HPSE2: variants seen among roughly 807,000 people sequenced by gnomAD.
HPSE2 encodes inactive heparanase-2.
Under a neutral mutation model 60.5 loss-of-function variants are expected in HPSE2, and 38 were observed. That is an observed-to-expected ratio of 0.63 (90% CI 0.48 to 0.82). The LOEUF (loss-of-function observed/expected upper bound fraction) is 0.82, where lower values mean the gene tolerates loss of function less well. Among genes scored for constraint, HPSE2 ranks in the 40% least tolerant of loss-of-function variants. The pLI is 0.00. For missense variants in HPSE2, 713 were observed against 740.4 expected (o/e 0.96, Z 0.43); for synonymous variants, 295 against 293.2 (o/e 1.01, Z -0.06).
At chr10:98,839,319 A>C (rs1951859573) in intron 3 of HPSE2, among the ~76,000 whole-genome samples, 1 of 152,186 alleles carries the variant, frequency 6.6e-6, no homozygotes, top group South Asian at 2.1e-4. Context: ...TATCAGATTC[A>C]AACCCTTACC....
At chr10:98,811,762 A>C (rs374932132) in intron 3 of HPSE2, among the ~76,000 whole-genome samples, 1 of 152,132 alleles carries the variant, frequency 6.6e-6, no homozygotes, top group Non-Finnish European at 1.5e-5. Context: ...AGATCACTCT[A>C]AAGATCAGAC....
At chr10:99,178,822 A>G (rs7897657) in intron 2 of HPSE2, among the ~76,000 whole-genome samples, 4,219 of 152,312 alleles carry the variant, frequency 0.028, 192 homozygotes, top group African/African-American at 0.096. Context: ...ACAAAAAAAG[A>G]AAATTTCAGG....
chr10:98,683,057 A>C (rs949653900), intron 6 of HPSE2, among the ~76,000 whole-genome samples: 5 of 152,248 alleles, frequency 3.3e-5, no homozygotes, highest in Non-Finnish European at 2.9e-5. Context: ...AAATGGTAGA[A>C]TAGAGAATTC....
At chr10:98,509,842 G>A (rs945398653) in intron 9 of HPSE2, among the ~76,000 whole-genome samples, 2 of 151,920 alleles carry the variant, frequency 1.3e-5, no homozygotes, top group Non-Finnish European at 2.9e-5. Flanking sequence ...CGGGAGGTTG[G>A]GATGGCTGCT....
intron 3 of HPSE2, among the ~76,000 whole-genome samples, chr10:98,824,262 G>A (rs915344371): frequency 1.3e-5 from 2 of 152,088 alleles, no homozygotes; most frequent in Non-Finnish European, 2.9e-5. Context: ...GTTAGTGAGC[G>A]GGGGTGGTCA....
chr10:98,608,425 A>G (rs1012909458), intron 9 of HPSE2, among the ~76,000 whole-genome samples: 11 of 152,246 alleles, frequency 7.2e-5, no homozygotes, highest in African/African-American at 2.7e-4. Context: ...AGGCTGATAA[A>G]TAAGCAAGGG....
At chr10:99,240,665 G>T (rs958061015), upstream of HPSE2, among the ~76,000 whole-genome samples, 1 of 152,056 alleles carries the variant, frequency 6.6e-6, no homozygotes, top group Non-Finnish European at 1.5e-5. Context: ...GCCCGCCTCG[G>T]CTTCCAAAAG....
intron 5 of HPSE2, among the ~76,000 whole-genome samples, chr10:98,717,286 T>C (rs1219319902): frequency 6.6e-6 from 1 of 152,120 alleles, no homozygotes; most frequent in Non-Finnish European, 1.5e-5. Flanking sequence ...ACCTTCTCCA[T>C]AGCTGCAATA....
At chr10:99,095,986 A>C (rs1843705553) in intron 3 of HPSE2, among the ~76,000 whole-genome samples, 1 of 152,180 alleles carries the variant, frequency 6.6e-6, no homozygotes, top group African/African-American at 2.4e-5. Context: ...CTATTATTTT[A>C]CTGGATGCAT....
chr10:98,652,538 C>T (rs547958942), intron 6 of HPSE2, among the ~76,000 whole-genome samples: 4 of 152,196 alleles, frequency 2.6e-5, no homozygotes, highest in African/African-American at 7.2e-5. Flanking sequence ...GCAGTTTTTA[C>T]CCCCTGCCCA....
chr10:99,233,311 C>G (rs1849729501), intron 1 of HPSE2, among the ~76,000 whole-genome samples: 1 of 152,184 alleles, frequency 6.6e-6, no homozygotes, highest in South Asian at 2.1e-4. Flanking sequence ...CCACCCCACC[C>G]CCGAGTTAGG....
At chr10:98,920,348 C>T (rs1954246824) in intron 3 of HPSE2, among the ~76,000 whole-genome samples, 1 of 152,138 alleles carries the variant, frequency 6.6e-6, no homozygotes. Context: ...GAAGGCTCTC[C>T]CTGCCTACTC....
At chr10:98,850,077 A>G (rs1952132660) in intron 3 of HPSE2, among the ~76,000 whole-genome samples, 1 of 152,200 alleles carries the variant, frequency 6.6e-6, no homozygotes, top group Non-Finnish European at 1.5e-5. Context: ...TAAGAAAATC[A>G]AATTCAAAAA....
At chr10:99,036,494 C>T (rs1403126569) in intron 3 of HPSE2, among the ~76,000 whole-genome samples, 1 of 151,872 alleles carries the variant, frequency 6.6e-6, no homozygotes, top group Admixed American at 6.6e-5. Context: ...GAATCACTAC[C>T]TAAAGAATAA....
chr10:98,865,395 A>C (rs1327999173), intron 3 of HPSE2, among the ~76,000 whole-genome samples: 2 of 152,116 alleles, frequency 1.3e-5, no homozygotes, highest in Non-Finnish European at 2.9e-5. Context: ...AAAACACTGA[A>C]CATCAGACAA....
rs10682911 is a variant in HPSE2 at position 98,600,959 on chromosome 10, TGA to T, written c.1320+13943_1320+13944del. Among the ~76,000 whole-genome samples, 97 of 128,796 alleles carry T rather than the reference TGA, an allele frequency of 7.5e-4. 1 individual carries two copies. The highest frequency in any genetic ancestry group is 1.4e-3 in the Non-Finnish European group (90 of 62,242). The allele number at this position is 128,796 out of a possible 152,430, so 84.5% of individuals were successfully genotyped here. A position where few individuals can be genotyped will look rare whatever the true frequency, so the allele number is the denominator to read the frequency against. On this transcript the variant is annotated intron_variant, in intron 9 of 11. Coordinates refer to ENST00000370552, the MANE Select transcript of HPSE2 (RefSeq NM_021828.5). ...TATATATAGAAAGAGAGAAAGAGAGTGAGAGAGAGAGAGAGAAAGAAACAGAC... is the reference window on the plus strand; with the variant it reads ...TATATATAGAAAGAGAGAAAGAGAGTGAGAGAGAGAGAGAAAGAAACAGAC...
intron 9 of HPSE2, among the ~76,000 whole-genome samples, chr10:98,532,635 G>A (rs535237837): frequency 4.6e-5 from 7 of 152,264 alleles, no homozygotes; most frequent in South Asian, 4.2e-4. Flanking sequence ...CAGAGTTTTC[G>A]TCCAAGTGTG....
chr10:98,645,878 G>C (rs1946755769), intron 6 of HPSE2, among the ~76,000 whole-genome samples: 1 of 152,202 alleles, frequency 6.6e-6, no homozygotes, highest in South Asian at 2.1e-4. Context: ...CGGAGGCTGA[G>C]TCAGGAGAAT....
chr10:99,239,581 C>T (rs750547972), upstream of HPSE2, among the ~76,000 whole-genome samples: 8 of 151,914 alleles, frequency 5.3e-5, no homozygotes, highest in African/African-American at 7.2e-5. Flanking sequence ...AGGCGCACAT[C>T]GCCACGCGCA....
Sources: gnomAD v4.1 joint callset for allele counts (sites outside exome capture counted in the v4.1 genomes callset) on GRCh38, gnomAD v4.1.1 for gene constraint, MANE v1.5 for transcripts, NCBI Gene and HGNC (gene_info 2026-07-23, HGNC 2026-07-21) for gene names.